Variants in GLI3 observed in about 807,000 individuals in gnomAD.
GLI3 encodes the protein transcription activator GLI3.
In GLI3, 20 loss-of-function variants were observed where a neutral mutation model predicts 100.8. That is an observed-to-expected ratio of 0.20 (90% CI 0.14 to 0.29). GLI3 has a LOEUF of 0.29. Among genes scored for constraint, GLI3 ranks in the 10% least tolerant of loss-of-function variants. The pLI is 1.00. For synonymous variants in GLI3, 938 were observed against 860.5 expected, an observed-to-expected ratio of 1.09 and a Z score of -1.58; for missense variants, 2,040 against 2,128.5, an observed-to-expected ratio of 0.96 and a Z score of 0.82.
intron 2 of GLI3, among the ~76,000 whole-genome samples, chr7:42,190,739 A>T (rs895038213): frequency 1.3e-5 from 2 of 152,204 alleles, no homozygotes; most frequent in Non-Finnish European, 2.9e-5. Context: ...AAGAAAAACT[A>T]AAAGTCAAAA....
At chr7:42,223,487 A>G (rs375760286) in intron 1 of GLI3, among the ~76,000 whole-genome samples, 192 bp from the exon 2 acceptor site, 166 of 152,316 alleles carry the variant, frequency 1.1e-3, no homozygotes, top group African/African-American at 3.8e-3. Context: ...GAAACTCTAC[A>G]CAAGCAAAAA....
intron 3 of GLI3, among the ~76,000 whole-genome samples, chr7:42,106,919 G>A (rs765771299): frequency 1.4e-4 from 21 of 152,118 alleles, no homozygotes; most frequent in Non-Finnish European, 2.1e-4. Flanking sequence ...GGGAGGGGGC[G>A]GTGGGGAGGG....
intron 3 of GLI3, among the ~76,000 whole-genome samples, chr7:42,098,030 T>C (rs1415944346): frequency 6.6e-6 from 1 of 152,112 alleles, no homozygotes; most frequent in East Asian, 1.9e-4. Context: ...GGTTAAGCAA[T>C]AAGCCCAATG....
chr7:42,103,787 TA>T (rs1176627108), intron 3 of GLI3, among the ~76,000 whole-genome samples: 1 of 152,110 alleles, frequency 6.6e-6, no homozygotes, highest in Non-Finnish European at 1.5e-5. Context: ...GATGGGGCCC[TA>T]AATCTGTCTC....
At chr7:42,183,019 A>G (rs1787648527) in intron 2 of GLI3, among the ~76,000 whole-genome samples, 1 of 151,954 alleles carries the variant, frequency 6.6e-6, no homozygotes, top group African/African-American at 2.4e-5. Context: ...CCAGGAGTTC[A>G]AGACCAGTCT....
intron 1 of GLI3, among the ~76,000 whole-genome samples, chr7:42,260,027 A>C (rs746085714): frequency 2.0e-5 from 3 of 152,204 alleles, no homozygotes; most frequent in African/African-American, 7.2e-5. Flanking sequence ...GAAATTTACC[A>C]TGAGAAAATG....
intron 6 of GLI3, among the ~76,000 whole-genome samples, chr7:42,040,994 G>A (rs772922603): frequency 2.0e-5 from 3 of 152,150 alleles, no homozygotes; most frequent in Admixed American, 6.5e-5. Flanking sequence ...AAATGTCACC[G>A]AGGTTGAGGA....
At chr7:41,983,311 T>C (rs951416699) in intron 10 of GLI3, among the ~76,000 whole-genome samples, 1 of 152,064 alleles carries the variant, frequency 6.6e-6, no homozygotes, top group African/African-American at 2.4e-5. Context: ...TCCTGCGCTA[T>C]AAAAGGTACC....
In GLI3 at chr7:41,965,075, T is replaced by C; in HGVS notation, c.3998A>G (p.Gln1333Arg). Reference sequence around the variant, plus strand: ...ACCGGGGCGGCCTGCCCCCGGGTGCTGCATGCTGTCGCCGAGGAGCTGGTG... The same window carrying C: ...ACCGGGGCGGCCTGCCCCCGGGTGCCGCATGCTGTCGCCGAGGAGCTGGTG... ...LAHQLLGDSM[Q>R]HPGAGRPGQQ... Residue 1333 changes from glutamine (Q) to arginine (R), a missense_variant, in exon 15 of 15, where the codon CAG becomes CGG. By Grantham distance (43) the Gln-to-Arg change is conservative. Transcript: ENST00000395925. The C allele has an allele frequency of 5.0e-6, 8 of 1,613,880 alleles. No individual in the cohort carries two copies. The highest frequency in any genetic ancestry group is 1.1e-5 in the South Asian group (1 of 91,090).
Position 42,011,233 on chromosome 7 carries a change from C to G in GLI3, c.1497+12235G>C, listed in dbSNP as rs550506336. On this transcript the variant is annotated intron_variant, in intron 10 of 14. Transcript: ENST00000395925. ...CCACAGCCAGACTGAGTCCCCAGCC[C>G]AGGGGAGCTTAGGCAGCACTCAGGC... is the stretch of plus-strand genomic sequence containing the variant. Among the ~76,000 whole-genome samples the G allele has an allele frequency of 1.9e-3, 294 of 152,242 alleles. 1 individual carries two copies. Among genetic ancestry groups the G allele is most frequent in the Non-Finnish European group, 3.2e-3 (220 of 68,010 alleles).
intron 2 of GLI3, among the ~76,000 whole-genome samples, chr7:42,170,622 T>C (rs1414315054): frequency 6.6e-6 from 1 of 152,022 alleles, no homozygotes; most frequent in Non-Finnish European, 1.5e-5. Flanking sequence ...CAGGATGGTC[T>C]CGACCTCCTG....
chr7:42,237,185 G>T lies in GLI3; in HGVS notation c.-257C>A. On this transcript the variant is annotated 5_prime_UTR_variant, in exon 1 of 15. Transcript: ENST00000395925. ...GAGAGCGGCGCGGGTGAGTGGGAGC[G>T]GCGGGTGTGCGCGAGTGCGAGTGTG... 1 of 149,658 alleles carries T rather than the reference G, an allele frequency of 6.7e-6. No individual in the cohort carries two copies. The highest frequency in any genetic ancestry group is 1.9e-4 in the South Asian group (1 of 5,324). The allele number at this position is 149,658 out of a possible 1,614,324, so 9.3% of individuals were successfully genotyped here.
chr7:42,017,803 T>C (rs1489798674), intron 10 of GLI3, among the ~76,000 whole-genome samples: 2 of 151,986 alleles, frequency 1.3e-5, no homozygotes, highest in African/African-American at 4.8e-5. Flanking sequence ...CGCATTCTCC[T>C]CCCCCACTCA....
At chr7:42,174,162 TA>T (rs1467253840) in intron 2 of GLI3, among the ~76,000 whole-genome samples, 1 of 152,158 alleles carries the variant, frequency 6.6e-6, no homozygotes, top group Non-Finnish European at 1.5e-5. Context: ...ACATAAATGT[TA>T]TAATTGAGAA....
chr7:41,993,252 G>C (rs1351778301), intron 10 of GLI3, among the ~76,000 whole-genome samples: 1 of 152,178 alleles, frequency 6.6e-6, no homozygotes, highest in Non-Finnish European at 1.5e-5. Flanking sequence ...GGTTTTAGAG[G>C]AAAATGCCCT....
intron 1 of GLI3, among the ~76,000 whole-genome samples, chr7:42,254,606 C>T (rs553012158): frequency 6.6e-6 from 1 of 152,322 alleles, no homozygotes; most frequent in African/African-American, 2.4e-5. Context: ...AAAAAGTTGG[C>T]TGATCCTTGA....
rs1786301658 is a variant in GLI3, at chr7:42,132,252, C to CTGCCCGCG, written c.367+15973_367+15974insCGCGGGCA. 2.0e-5 allele frequency among the ~76,000 whole-genome samples: 3 copies of CTGCCCGCG among 150,530 alleles called. No homozygotes were observed. The South Asian group carries it at 6.4e-4, about 32-fold the overall frequency. On this transcript the variant is annotated intron_variant, in intron 3 of 14. Transcript: ENST00000395925. ...AGTAGCTGGGACTACAGGCGCCCGC[C>CTGCCCGCG]ACTACGCCCGGCTAATTTTTTGTAT... is the stretch of plus-strand genomic sequence containing the variant.
chr7:42,132,269 T>G (rs1038184882), intron 3 of GLI3, among the ~76,000 whole-genome samples: 23 of 89,690 alleles, frequency 2.6e-4, no homozygotes, highest in South Asian at 5.4e-4. Flanking sequence ...CCCGGCTAAT[T>G]TTTTGTATTT....
At chr7:42,012,060 G>C (rs1008780872) in intron 10 of GLI3, among the ~76,000 whole-genome samples, 11 of 152,144 alleles carry the variant, frequency 7.2e-5, no homozygotes, top group Non-Finnish European at 1.5e-4. Flanking sequence ...TGAGCAGAAA[G>C]GATAAACCTA....
Sources: gnomAD v4.1 joint callset for allele counts (sites outside exome capture counted in the v4.1 genomes callset) on GRCh38, gnomAD v4.1.1 for gene constraint, MANE v1.5 for transcripts, NCBI Gene and HGNC (gene_info 2026-07-23, HGNC 2026-07-21) for gene names.